SHFL: variants seen among roughly 807,000 people sequenced by gnomAD.
SHFL encodes shiftless antiviral inhibitor of ribosomal frameshifting, also known as shiftless antiviral inhibitor of ribosomal frameshifting protein.
SHFL carries 12 observed loss-of-function variants against 34.7 expected under a neutral mutation model. That is an observed-to-expected ratio of 0.35 (90% CI 0.22 to 0.56). The LOEUF (loss-of-function observed/expected upper bound fraction) is 0.56. SHFL is among the 20% of genes least tolerant of loss of function. The pLI, the probability that SHFL is intolerant of heterozygous loss-of-function variation, is 0.88. For synonymous variants in SHFL, 148 were observed against 156.0 expected, an observed-to-expected ratio of 0.95 and a Z score of 0.38; for missense variants, 278 against 411.1, an observed-to-expected ratio of 0.68 and a Z score of 2.80.
Position 10,091,785 on chromosome 19 carries a change from G to A in SHFL, c.643+155G>A. 8.6e-7 allele frequency: 1 copy of A among 1,160,292 alleles called. No homozygotes were observed. Among genetic ancestry groups the A allele is most frequent in the East Asian group, 2.6e-5 (1 of 38,366 alleles). The allele number at this position is 1,160,292 out of a possible 1,614,324, so 71.9% of individuals were successfully genotyped here. On this transcript the variant is annotated intron_variant, in intron 7 of 7. Coordinates refer to ENST00000253110, the MANE Select transcript of SHFL (RefSeq NM_018381.4). This position sits in a 1 kb window ranked among gnomAD's most constrained non-coding sequence, Gnocchi z 8.2. The stretch of plus-strand genomic sequence containing the variant: ...CCCCCAGTCTCCGTGGTCTTGCCCA[G>A]GAGGCTCTGAGGTTTCACCCCAGTG...
chr19:10,092,666 C>T lies in SHFL; in HGVS notation c.*364C>T, dbSNP rs759281865. ...CCACCACGAAACTCAGCCCAGTAGA[C>T]ACCATCCTGGTAGCGGCTTCGGTAG... On this transcript the variant is annotated 3_prime_UTR_variant, in exon 8 of 8. Transcript: ENST00000253110. 2 of 1,614,090 alleles carry T rather than the reference C, an allele frequency of 1.2e-6. No homozygotes were observed. The highest frequency in any genetic ancestry group is 1.1e-5 in the South Asian group (1 of 91,084).
chr19:10,087,520 A>G, intron 3 of SHFL: 1 of 591,020 alleles, frequency 1.7e-6, no homozygotes, highest in Admixed American at 3.1e-5. Context: ...GATTGTATTC[A>G]ATGGGGGAGA....
rs1411812998 is a variant in SHFL, at chr19:10,091,773, T to C, written c.643+143T>C. On this transcript the variant is annotated intron_variant, in intron 7 of 7. Coordinates refer to ENST00000253110, the MANE Select transcript of SHFL (RefSeq NM_018381.4). The surrounding 1 kb of genome is among the most constrained non-coding windows in gnomAD (Gnocchi z 8.2). ...GGCCTCCATGACCCCCCAGTCTCCG[T>C]GGTCTTGCCCAGGAGGCTCTGAGGT... The C allele has an allele frequency of 2.5e-6, 3 of 1,219,344 alleles. No individual in the cohort carries two copies. Among genetic ancestry groups the C allele is most frequent in the Non-Finnish European group, 3.4e-6 (3 of 894,830 alleles). The allele number at this position is 1,219,344 out of a possible 1,614,324, so 75.5% of individuals were successfully genotyped here.
At chr19:10,089,470 A>G (rs1421352749) in intron 3 of SHFL, 187 bp from the exon 4 acceptor site, 2 of 1,459,940 alleles carry the variant, frequency 1.4e-6, no homozygotes, top group Non-Finnish European at 1.9e-6. Flanking sequence ...AGGTGTGCCC[A>G]CCTCTCAGGG....
Position 10,091,231 on chromosome 19 carries a change from TC to T in SHFL, c.385-17del. ...AATCCTTGGTCCCCTCTCTGTACCT[TC>T]CTGCCCACCACCACCAGGTATCCCG... On this transcript the variant is annotated intron_variant, in intron 5 of 7. Transcript: ENST00000253110. This position sits in a 1 kb window ranked among gnomAD's most constrained non-coding sequence, Gnocchi z 8.2. 1 of 1,609,918 alleles carries T rather than the reference TC, an allele frequency of 6.2e-7. No individual in the cohort carries two copies.
chr19:10,088,950 AAATATAATAATAAT>A lies in SHFL; in HGVS notation c.196-702_196-689del, dbSNP rs1488272477. 5.1e-5 allele frequency: 6 copies of A among 117,442 alleles called. 1 individual carries two copies. The East Asian group carries it at 6.5e-4, about 13-fold the overall frequency. The allele number at this position is 117,442 out of a possible 1,614,324, so 7.3% of individuals were successfully genotyped here. Reference sequence around the variant, plus strand: ...AGACAAGAGCGAAACTCCGTCTCAAAAATATAATAATAATAATAATAATAATAATAATAATAATA... The same window carrying A: ...AGACAAGAGCGAAACTCCGTCTCAAAAATAATAATAATAATAATAATAATA... On this transcript the variant is annotated intron_variant, in intron 3 of 7. Coordinates refer to ENST00000253110, the MANE Select transcript of SHFL (RefSeq NM_018381.4).
chr19:10,086,660 G>A lies in SHFL; in HGVS notation c.21+212G>A. Reference sequence around the variant, plus strand: ...GCCTCCCCGAGGAAAAGCGGGGGCTGCAGGGTCAAAGGTCAGAGGCCAGAG... The same window carrying A: ...GCCTCCCCGAGGAAAAGCGGGGGCTACAGGGTCAAAGGTCAGAGGCCAGAG... On this transcript the variant is annotated intron_variant, in intron 1 of 7. Coordinates refer to ENST00000253110, the MANE Select transcript of SHFL (RefSeq NM_018381.4). The surrounding 1 kb of genome is among the most constrained non-coding windows in gnomAD (Gnocchi z 5.2). 1 of 568,356 alleles carries A rather than the reference G, an allele frequency of 1.8e-6. No individual in the cohort carries two copies. The highest frequency in any genetic ancestry group is 2.9e-6 in the Non-Finnish European group (1 of 341,488). 35.2% of individuals were successfully genotyped at this position (568,356 alleles called of 1,614,324 possible). A position where few individuals can be genotyped will look rare whatever the true frequency, so the allele number is the denominator to read the frequency against.
chr19:10,088,958 TAATA>T (rs900631845), intron 3 of SHFL: 4 of 98,212 alleles, frequency 4.1e-5, no homozygotes, highest in African/African-American at 1.3e-4. Context: ...AAAAATATAA[TAATA>T]ATAATAATAA....
Position 10,086,438 on chromosome 19 carries a change from A to G in SHFL, c.11A>G (p.Glu4Gly). ...TGCGCCGCCGCCACCATGTCTCAGG[A>G]AGGTGTGGAGGTAAGCGATGGCTAC... MSQ[E>G]GVELEKSVRR... Residue 4 changes from glutamate to glycine, a missense_variant, in exon 1 of 8, where the codon GAA (glutamate) becomes GGA (glycine). By Grantham distance (98) the Glu-to-Gly change is moderately conservative (BLOSUM62 -2). Coordinates refer to ENST00000253110, the MANE Select transcript of SHFL (RefSeq NM_018381.4). The surrounding 1 kb of genome is among the most constrained non-coding windows in gnomAD (Gnocchi z 5.2). 2 of 1,360,064 alleles carry G rather than the reference A, an allele frequency of 1.5e-6. No individual in the cohort carries two copies. Among genetic ancestry groups the G allele is most frequent in the Non-Finnish European group, 1.9e-6 (2 of 1,048,220 alleles). The allele number at this position is 1,360,064 out of a possible 1,614,324, so 84.2% of individuals were successfully genotyped here.
chr19:10,092,539 C>A lies in SHFL; in HGVS notation c.*237C>A. On this transcript the variant is annotated 3_prime_UTR_variant, in exon 8 of 8. Transcript: ENST00000253110. ...GAAGGTGTGGCCAGAACAACTTGGGCTCCTGCTGACCAATGTCCTCTAGGG... is the reference window on the plus strand; with the variant it reads ...GAAGGTGTGGCCAGAACAACTTGGGATCCTGCTGACCAATGTCCTCTAGGG... The A allele has an allele frequency of 6.4e-7, 1 of 1,551,802 alleles. No homozygotes were observed. Among genetic ancestry groups the A allele is most frequent in the Non-Finnish European group, 8.7e-7 (1 of 1,145,528 alleles).
Position 10,091,423 on chromosome 19 carries a change from C to T in SHFL, c.489-53C>T. On this transcript the variant is annotated intron_variant, in intron 6 of 7. Coordinates refer to ENST00000253110, the MANE Select transcript of SHFL (RefSeq NM_018381.4). This position sits in a 1 kb window ranked among gnomAD's most constrained non-coding sequence, Gnocchi z 8.2. ...CAGCCCTGCCCCTCCCTGCCCTGGC[C>T]CCACCCTGGCCCAGCCTCGCCCTCG... is the stretch of plus-strand genomic sequence containing the variant. The T allele has an allele frequency of 6.4e-7, 1 of 1,553,312 alleles. No individual in the cohort carries two copies. Among genetic ancestry groups the T allele is most frequent in the Non-Finnish European group, 8.7e-7 (1 of 1,143,756 alleles).
At position 10,091,271 on chromosome 19, in the gene SHFL, C is replaced by T. The variant is rs757717698; in HGVS notation, c.406C>T (p.Arg136Trp). The stretch of plus-strand genomic sequence containing the variant: ...CCAGGTATCCCGGTGCCGGAAATGC[C>T]GGAAGCGCTACGAGCCAGTGCCAGC... ...RKEVSRCRKC[R>W]KRYEPVPADK... Residue 136 changes from arginine (R) to tryptophan (W), a missense_variant, in exon 6 of 8, where the codon CGG becomes TGG. Transcript: ENST00000253110. This position sits in a 1 kb window ranked among gnomAD's most constrained non-coding sequence, Gnocchi z 8.2. 6.8e-6 allele frequency: 11 copies of T among 1,613,802 alleles called. No individual in the cohort carries two copies. Among genetic ancestry groups the T allele is most frequent in the East Asian group, 6.7e-5 (3 of 44,880 alleles).
At chr19:10,088,805 G>A (rs907939584) in intron 3 of SHFL, among the ~76,000 whole-genome samples, 4 of 151,670 alleles carry the variant, frequency 2.6e-5, no homozygotes, top group Admixed American at 6.6e-5. Context: ...AAATTAGCTG[G>A]GCGTGGCAGT....
intron 3 of SHFL, chr19:10,089,188 A>G: frequency 1.1e-6 from 1 of 943,960 alleles, no homozygotes; most frequent in African/African-American, 1.6e-5. Context: ...CTGGAGTCAG[A>G]GCCTGGGCTC....
Position 10,086,388 on chromosome 19 carries a change from C to T in SHFL, c.-40C>T. 1 of 1,292,556 alleles carries T rather than the reference C, an allele frequency of 7.7e-7. No individual in the cohort carries two copies. The highest frequency in any genetic ancestry group is 9.9e-7 in the Non-Finnish European group (1 of 1,013,236). The allele number at this position is 1,292,556 out of a possible 1,614,324, so 80.1% of individuals were successfully genotyped here. A position where few individuals can be genotyped will look rare whatever the true frequency, so the allele number is the denominator to read the frequency against. The stretch of plus-strand genomic sequence containing the variant: ...CCCAGGTAGGGGGGCGGCTGAGCCG[C>T]GCAGTGCGGACCCTCGCGGGGAACT... On this transcript the variant is annotated 5_prime_UTR_variant, in exon 1 of 8. Transcript: ENST00000253110. The surrounding 1 kb of genome is among the most constrained non-coding windows in gnomAD (Gnocchi z 5.2).
Position 10,092,503 on chromosome 19 carries a change from T to G in SHFL, c.*201T>G. The G allele has an allele frequency of 6.6e-7, 1 of 1,524,690 alleles. No homozygotes were observed. The highest frequency in any genetic ancestry group is 8.9e-7 in the Non-Finnish European group (1 of 1,128,986). The allele number at this position is 1,524,690 out of a possible 1,614,324, so 94.4% of individuals were successfully genotyped here. A position where few individuals can be genotyped will look rare whatever the true frequency, so the allele number is the denominator to read the frequency against. Reference sequence around the variant, plus strand: ...GAAGTTCTGTGGGACACATTGGCACTGAGCCACAAAGAAGGTGTGGCCAGA... The same window carrying G: ...GAAGTTCTGTGGGACACATTGGCACGGAGCCACAAAGAAGGTGTGGCCAGA... On this transcript the variant is annotated 3_prime_UTR_variant, in exon 8 of 8. Coordinates refer to ENST00000253110, the MANE Select transcript of SHFL (RefSeq NM_018381.4).
Position 10,092,615 on chromosome 19 carries a change from T to C in SHFL, c.*313T>C. ...CACAGCTTCAGGGGCCGAATGAGCA[T>C]GGCGGCCTTCCTGAGAGAATATGCC... On this transcript the variant is annotated 3_prime_UTR_variant, in exon 8 of 8. Transcript: ENST00000253110. The C allele has an allele frequency of 7.5e-6, 12 of 1,610,682 alleles. No individual in the cohort carries two copies. The highest frequency in any genetic ancestry group is 9.3e-6 in the Non-Finnish European group (11 of 1,177,328).
In SHFL at chr19:10,091,495, TC is replaced by T; in HGVS notation, c.512del (p.Pro171ArgfsTer85). Reference protein sequence around the residue: ...HNFRGWAQMGSPSPCYGCGFP... With the variant: ...HNFRGWAQMGXPSPCYGCGFP... ...CCCCAGGGGCTGGGCACAGATGGGG[TC>T]CCCGTCCCCCTGCTACGGGTGCGGC... On this transcript the variant is annotated frameshift_variant, in exon 7 of 8. Transcript: ENST00000253110. LOFTEE classifies it high-confidence loss of function. This position sits in a 1 kb window ranked among gnomAD's most constrained non-coding sequence, Gnocchi z 8.2. 6.5e-7 allele frequency: 1 copy of T among 1,532,984 alleles called. No homozygotes were observed. Among genetic ancestry groups the T allele is most frequent in the Non-Finnish European group, 8.8e-7 (1 of 1,139,720 alleles). 95.0% of individuals were successfully genotyped at this position (1,532,984 alleles called of 1,614,324 possible).
intron 3 of SHFL, 100 bp downstream of exon 3, chr19:10,087,400 G>A: frequency 7.9e-7 from 1 of 1,261,614 alleles, no homozygotes; most frequent in Non-Finnish European, 1.2e-6. Flanking sequence ...TCTGAAACAG[G>A]AGGGACCAGG....
Sources: gnomAD v4.1 joint callset for allele counts (sites outside exome capture counted in the v4.1 genomes callset) on GRCh38, gnomAD v4.1.1 for gene constraint, Gnocchi (gnomAD v3.1) non-coding constraint, MANE v1.5 for transcripts, NCBI Gene and HGNC (gene_info 2026-07-23, HGNC 2026-07-21) for gene names.